Variants in PHACTR3 observed in about 807,000 individuals in gnomAD.
The protein encoded by PHACTR3 is phosphatase and actin regulator 3, also known as protein phosphatase 1, regulatory subunit 123.
A neutral mutation model predicts 66.8 loss-of-function variants in PHACTR3; 16 were observed. The ratio of observed to expected loss-of-function variants is 0.24; its 90% confidence interval spans 0.16 to 0.36. PHACTR3 has a LOEUF of 0.36. Among genes scored for constraint, PHACTR3 ranks in the 10% least tolerant of loss-of-function variants. PHACTR3 has a pLI of 1.00. For synonymous variants in PHACTR3, 323 were observed against 292.1 expected (o/e 1.11, Z -1.08); for missense variants, 647 against 719.9 (o/e 0.90, Z 1.16).
At chr20:59,819,201 A>G (rs1026875697) in intron 8 of PHACTR3, among the ~76,000 whole-genome samples, 3 of 152,138 alleles carry the variant, frequency 2.0e-5, no homozygotes, top group Non-Finnish European at 2.9e-5. Context: ...GTCCAGGATC[A>G]CTTGCTGTGT....
At chr20:59,729,581 T>C (rs893927771) in intron 1 of PHACTR3, among the ~76,000 whole-genome samples, 12 of 152,068 alleles carry the variant, frequency 7.9e-5, no homozygotes, top group African/African-American at 2.9e-4. Flanking sequence ...GAGAAAGTGG[T>C]TCCTCAACAG....
intron 1 of PHACTR3, among the ~76,000 whole-genome samples, chr20:59,585,404 G>A (rs1295680483): frequency 6.6e-6 from 1 of 152,120 alleles, no homozygotes; most frequent in African/African-American, 2.4e-5. Context: ...ACCCAGGCAC[G>A]TTTTTCTTTG....
At chr20:59,773,150 G>T in intron 5 of PHACTR3, 129 bp from the exon 6 acceptor site, 1 of 988,326 alleles carries the variant, frequency 1.0e-6, no homozygotes, top group Non-Finnish European at 1.5e-6. Context: ...CCAGCATCTT[G>T]GCATTAGTTG....
At chr20:59,690,117 C>T (rs2037055881) in intron 1 of PHACTR3, among the ~76,000 whole-genome samples, 1 of 152,150 alleles carries the variant, frequency 6.6e-6, no homozygotes, top group Admixed American at 6.5e-5. Context: ...CAAAACAAAA[C>T]ACCCAAATTC....
chr20:59,755,708 T>G (rs956494826), intron 4 of PHACTR3, among the ~76,000 whole-genome samples: 2 of 152,000 alleles, frequency 1.3e-5, no homozygotes, highest in Non-Finnish European at 1.5e-5. Context: ...AAGTGCCCAG[T>G]GGGGGGATTT....
At chr20:59,615,536 C>A (rs920306258) in intron 1 of PHACTR3, among the ~76,000 whole-genome samples, 5 of 152,214 alleles carry the variant, frequency 3.3e-5, no homozygotes, top group African/African-American at 7.2e-5. Context: ...GTATCCCATT[C>A]ATTCTCTGCC....
At chr20:59,718,439 C>T (rs1344182886) in intron 1 of PHACTR3, among the ~76,000 whole-genome samples, 1 of 152,124 alleles carries the variant, frequency 6.6e-6, no homozygotes, top group Non-Finnish European at 1.5e-5. Flanking sequence ...GTCTCTGACC[C>T]CAGGGCCAGT....
Position 59,647,948 on chromosome 20 carries a change from G to C in PHACTR3, c.118+42816G>C, listed in dbSNP as rs534759098. 2.0e-5 allele frequency among the ~76,000 whole-genome samples: 3 copies of C among 152,336 alleles called. No individual in the cohort carries two copies. In the East Asian group the frequency reaches 5.8e-4, roughly 29 times the overall value. ...CATAGGACTTTGCTTCATCTAGACTGTTGGTGTAGGAAAACATCCTTTTGG... is the reference window on the plus strand; with the variant it reads ...CATAGGACTTTGCTTCATCTAGACTCTTGGTGTAGGAAAACATCCTTTTGG... On this transcript the variant is annotated intron_variant, in intron 1 of 12. Coordinates refer to ENST00000371015, the MANE Select transcript of PHACTR3 (RefSeq NM_080672.5).
chr20:59,607,726 A>T (rs745814509), intron 1 of PHACTR3, among the ~76,000 whole-genome samples: 1 of 152,088 alleles, frequency 6.6e-6, no homozygotes, highest in Non-Finnish European at 1.5e-5. Flanking sequence ...TGCTGGACTC[A>T]TGGCTCTTCC....
At chr20:59,760,268 C>G (rs1428462044) in intron 4 of PHACTR3, among the ~76,000 whole-genome samples, 4 of 152,082 alleles carry the variant, frequency 2.6e-5, no homozygotes, top group African/African-American at 9.7e-5. Context: ...TTTCCTTGAG[C>G]CTTTGGTTTG....
At chr20:59,609,303 A>G (rs1393263444) in intron 1 of PHACTR3, among the ~76,000 whole-genome samples, 1 of 152,130 alleles carries the variant, frequency 6.6e-6, no homozygotes, top group East Asian at 1.9e-4. Flanking sequence ...CCACTCTGCC[A>G]GCAGACAGGT....
chr20:59,754,722 T>C (rs1273203998), intron 3 of PHACTR3, among the ~76,000 whole-genome samples: 1 of 152,224 alleles, frequency 6.6e-6, no homozygotes, highest in Non-Finnish European at 1.5e-5. Flanking sequence ...AGCCAGCTGC[T>C]GGGCATGTCT....
rs149356751 is a variant in PHACTR3 at position 59,599,057 on chromosome 20, G to A, written c.109+21440G>A. Reference sequence around the variant, plus strand: ...CATTAAGCATGAAGAAGAGTTCCCTGGAGCCCCAGAGAAGAAACTAGATTG... The same window carrying A: ...CATTAAGCATGAAGAAGAGTTCCCTAGAGCCCCAGAGAAGAAACTAGATTG... On this transcript the variant is annotated intron_variant, in intron 1 of 12. Coordinates refer to the PHACTR3 transcript ENST00000359926. Among the ~76,000 whole-genome samples, 862 of 152,296 alleles carry A rather than the reference G, an allele frequency of 5.7e-3. 9 individuals are homozygous for A. The highest frequency in any genetic ancestry group is 0.01 in the Middle Eastern group (3 of 294).
At chr20:59,761,760 A>G (rs2039999816) in intron 4 of PHACTR3, among the ~76,000 whole-genome samples, 1 of 152,182 alleles carries the variant, frequency 6.6e-6, no homozygotes, top group Non-Finnish European at 1.5e-5. Flanking sequence ...CCAGTAAGTC[A>G]TGAACTTGTG....
intron 8 of PHACTR3, among the ~76,000 whole-genome samples, chr20:59,815,428 T>TTG (rs1555849906): frequency 6.0e-5 from 9 of 149,566 alleles, no homozygotes; most frequent in Admixed American, 2.0e-4. Context: ...GTTTTTTTTT[T>TTG]TTTGTTTTTT....
chr20:59,744,356 C>T (rs1350007882), intron 2 of PHACTR3, among the ~76,000 whole-genome samples: 3 of 152,172 alleles, frequency 2.0e-5, no homozygotes, highest in Non-Finnish European at 4.4e-5. Flanking sequence ...GAGGAGGCCG[C>T]ATCTCCACCC....
upstream of PHACTR3, among the ~76,000 whole-genome samples, chr20:59,600,702 GT>G (rs2146324897): frequency 6.6e-6 from 1 of 152,344 alleles, no homozygotes; most frequent in East Asian, 1.9e-4. Context: ...GACTGACTCT[GT>G]CCCATCTTTG....
chr20:59,767,529 A>G (rs2040220285), intron 5 of PHACTR3, 134 bp downstream of exon 5: 5 of 1,080,078 alleles, frequency 4.6e-6, no homozygotes, highest in African/African-American at 1.6e-5. Flanking sequence ...CATACCTTCA[A>G]CCAGTCTTGA....
At chr20:59,653,948 C>T (rs6100539) in intron 1 of PHACTR3, among the ~76,000 whole-genome samples, 1 of 152,278 alleles carries the variant, frequency 6.6e-6, no homozygotes, top group East Asian at 1.9e-4. Context: ...AGCAGAGTTC[C>T]TTGGAGAAGT....
Sources: allele counts gnomAD v4.1 joint callset (sites outside exome capture counted in the v4.1 genomes callset), GRCh38; gene constraint gnomAD v4.1.1; transcripts MANE v1.5; gene names NCBI Gene and HGNC (gene_info 2026-07-23, HGNC 2026-07-21).